SV2C: variants seen among roughly 807,000 people sequenced by gnomAD.
SV2C encodes solute carrier family 22 member B3.
A neutral mutation model predicts 79.7 loss-of-function variants in SV2C; 49 were observed. That is an observed-to-expected ratio of 0.61 (90% CI 0.49 to 0.78). SV2C has a LOEUF of 0.78. SV2C is among the 30% of genes least tolerant of loss of function. SV2C has a pLI of 0.00. For synonymous variants in SV2C, 334 were observed against 333.2 expected (o/e 1.00, Z -0.03); for missense variants, 833 against 912.9 (o/e 0.91, Z 1.13).
At chr5:76,291,398 G>T (rs1747559737) in intron 7 of SV2C, 67 bp downstream of exon 7, 1 of 1,309,916 alleles carries the variant, frequency 7.6e-7, no homozygotes. Flanking sequence ...CAGAAGAGGG[G>T]TTTACTGGGC....
intron 2 of SV2C, among the ~76,000 whole-genome samples, chr5:76,165,615 T>A (rs911376192): frequency 3.5e-5 from 5 of 142,062 alleles, no homozygotes; most frequent in African/African-American, 1.2e-4. Flanking sequence ...CTTTTGAGAT[T>A]GGCTTTTTTT....
intron 4 of SV2C, among the ~76,000 whole-genome samples, chr5:76,220,634 A>G (rs962415526): frequency 9.9e-5 from 15 of 151,948 alleles, no homozygotes; most frequent in African/African-American, 3.1e-4. Flanking sequence ...AAAAAAAAAA[A>G]AAGAATTGAC....
chr5:76,039,914 G>A, the SV2C span, among the ~76,000 whole-genome samples: 3 of 152,078 alleles, frequency 2.0e-5, no homozygotes, highest in African/African-American at 7.2e-5. Context: ...TAGCTTAAAG[G>A]GAACTGAAAA....
intron 2 of SV2C, among the ~76,000 whole-genome samples, chr5:76,152,598 CAA>C (rs1749636823): frequency 6.6e-6 from 1 of 152,144 alleles, no homozygotes; most frequent in Non-Finnish European, 1.5e-5. Context: ...TGTGGATAGT[CAA>C]ATAGCAATTA....
intron 12 of SV2C, among the ~76,000 whole-genome samples, chr5:76,312,584 C>T (rs527597308): frequency 3.3e-5 from 5 of 152,252 alleles, no homozygotes; most frequent in Admixed American, 2.0e-4. Flanking sequence ...TCCTCCGTGG[C>T]GCTCGGGGCC....
intron 4 of SV2C, among the ~76,000 whole-genome samples, chr5:76,229,342 G>GCATC (rs534534989): frequency 3.0e-3 from 453 of 152,344 alleles, no homozygotes; most frequent in African/African-American, 0.011. Context: ...GTTTCACATT[G>GCATC]CTTCCTTCCT....
the SV2C span, among the ~76,000 whole-genome samples, chr5:75,889,582 G>A: frequency 6.6e-6 from 1 of 152,006 alleles, no homozygotes; most frequent in Non-Finnish European, 1.5e-5. Context: ...TGTCTTTATA[G>A]TAGAATGATT....
At chr5:75,906,970 G>C in the SV2C span, among the ~76,000 whole-genome samples, 425 of 152,320 alleles carry the variant, frequency 2.8e-3, 10 homozygotes, top group East Asian at 0.034. Context: ...AGAACAAAAT[G>C]TCAAGAGCGC....
rs540476931 is a variant in SV2C, at chr5:76,330,745, A to G, written c.*5198A>G. 6.6e-6 allele frequency: 1 copy of G among 152,000 alleles called. No individual in the cohort carries two copies. The highest frequency in any genetic ancestry group is 1.5e-5 in the Non-Finnish European group (1 of 68,028). The allele number at this position is 152,000 out of a possible 1,614,324, so 9.4% of individuals were successfully genotyped here. A position where few individuals can be genotyped will look rare whatever the true frequency, so the allele number is the denominator to read the frequency against. ...TGGAAAATGAGAAAAATGAAACCAC[A>G]CATAAGTTGTTCCCTTAAATAATCT... On this transcript the variant is annotated 3_prime_UTR_variant, in exon 13 of 13. Transcript: ENST00000502798.
At chr5:75,957,080 C>G in the SV2C span, among the ~76,000 whole-genome samples, 5 of 151,894 alleles carry the variant, frequency 3.3e-5, no homozygotes, top group African/African-American at 1.2e-4. Flanking sequence ...AGTACATAAT[C>G]AAGAAAGATA....
At chr5:75,974,526 T>C in the SV2C span, among the ~76,000 whole-genome samples, 1 of 152,116 alleles carries the variant, frequency 6.6e-6, no homozygotes, top group Admixed American at 6.6e-5. Context: ...TCACTACCCA[T>C]GAGTCCTCAG....
At chr5:76,063,118 G>C in the SV2C span, among the ~76,000 whole-genome samples, 2 of 152,132 alleles carry the variant, frequency 1.3e-5, no homozygotes, top group Non-Finnish European at 2.9e-5. Context: ...TTCATAATAT[G>C]TGATAATCTT....
chr5:75,862,602 C>T, the SV2C span, among the ~76,000 whole-genome samples: 7 of 152,108 alleles, frequency 4.6e-5, no homozygotes, highest in South Asian at 2.1e-4. Context: ...CTGGACTTCA[C>T]GAGGAAAAAA....
chr5:76,198,012 C>G (rs1744325616), intron 3 of SV2C, among the ~76,000 whole-genome samples: 1 of 152,174 alleles, frequency 6.6e-6, no homozygotes, highest in Non-Finnish European at 1.5e-5. Context: ...GTCCCAGCTC[C>G]GAGAGACTGC....
At chr5:76,074,742 G>A in the SV2C span, among the ~76,000 whole-genome samples, 2 of 152,142 alleles carry the variant, frequency 1.3e-5, no homozygotes, top group Non-Finnish European at 2.9e-5. Flanking sequence ...CCCTGCCTGG[G>A]GCAGCTTCTT....
the SV2C span, among the ~76,000 whole-genome samples, chr5:75,962,744 T>C: frequency 6.6e-6 from 1 of 152,146 alleles, no homozygotes; most frequent in African/African-American, 2.4e-5. Flanking sequence ...ATTGTTTTCA[T>C]GAATGAGTTT....
At chr5:76,152,169 A>G (rs1270634146) in intron 2 of SV2C, among the ~76,000 whole-genome samples, 6 of 152,236 alleles carry the variant, frequency 3.9e-5, no homozygotes, top group Admixed American at 3.9e-4. Flanking sequence ...GGCAGTGGCC[A>G]TGAGAAAGCT....
intron 4 of SV2C, among the ~76,000 whole-genome samples, chr5:76,256,449 C>T (rs1230142585): frequency 2.0e-5 from 3 of 152,124 alleles, no homozygotes; most frequent in Non-Finnish European, 2.9e-5. Context: ...TCTTGTGAAC[C>T]CAGGGTGCCC....
intron 2 of SV2C, among the ~76,000 whole-genome samples, chr5:76,133,855 T>G (rs1382983366): frequency 1.3e-5 from 2 of 152,156 alleles, no homozygotes; most frequent in Non-Finnish European, 2.9e-5. Flanking sequence ...TGTATTCAGA[T>G]TTTGCTAAAG....
Sources: gnomAD v4.1 joint callset for allele counts (sites outside exome capture counted in the v4.1 genomes callset) on GRCh38, gnomAD v4.1.1 for gene constraint, MANE v1.5 for transcripts, NCBI Gene and HGNC (gene_info 2026-07-23, HGNC 2026-07-21) for gene names.